The following COL9A1 variants were observed in gnomAD, a reference collection of about 807,000 sequenced individuals.
COL9A1 encodes the protein collagen alpha-1(IX) chain.
In COL9A1, 104 loss-of-function variants were observed where a neutral mutation model predicts 142.6. The ratio of observed to expected loss-of-function variants is 0.73; its 90% CI spans 0.62 to 0.86. The LOEUF is 0.86. COL9A1 is among the 40% of genes least tolerant of loss of function. COL9A1 has a pLI of 0.00. For synonymous variants in COL9A1, 466 were observed against 396.0 expected (o/e 1.18, Z -2.10); for missense variants, 1,210 against 1,176.6 (o/e 1.03, Z -0.42).
chr6:70,253,468 C>T (rs1771079949), intron 25 of COL9A1, 39 bp from the exon 26 acceptor site: 2 of 1,459,038 alleles, frequency 1.4e-6, no homozygotes. Flanking sequence ...TAATCACCTC[C>T]TCTGAGAATC....
At position 70,241,406 on chromosome 6, in the gene COL9A1, T is replaced by A; in HGVS notation, c.2034+13A>T. The stretch of plus-strand genomic sequence containing the variant: ...AACATTGCATTTTATACCAATTAAA[T>A]AATAAGACTGACCTGTTCACCCTTT... On this transcript the variant is annotated intron_variant, in intron 31 of 37. Transcript: ENST00000357250. 6.2e-7 allele frequency: 1 copy of A among 1,605,218 alleles called. No individual in the cohort carries two copies. Among genetic ancestry groups the A allele is most frequent in the Non-Finnish European group, 8.5e-7 (1 of 1,171,876 alleles).
intron 37 of COL9A1, among the ~76,000 whole-genome samples, chr6:70,223,882 C>T (rs1769054877): frequency 6.6e-6 from 1 of 152,002 alleles, no homozygotes; most frequent in South Asian, 2.1e-4. Context: ...ACAAGGAAAT[C>T]AAGAAAGAAG....
chr6:70,219,708 C>T (rs35022420), intron 37 of COL9A1, among the ~76,000 whole-genome samples: 24,165 of 152,184 alleles, frequency 0.16, 2,361 homozygotes, highest in African/African-American at 0.26. Context: ...TAACAGCTGT[C>T]ATCGGGGAAT....
intron 4 of COL9A1, among the ~76,000 whole-genome samples, chr6:70,298,928 A>C (rs1773949920): frequency 6.6e-6 from 1 of 152,122 alleles, no homozygotes; most frequent in South Asian, 2.1e-4. Context: ...CTTTGCAACC[A>C]TTCTGCCTGG....
intron 6 of COL9A1, chr6:70,283,344 G>C: frequency 9.8e-7 from 1 of 1,017,324 alleles, no homozygotes; most frequent in Non-Finnish European, 1.4e-6. Context: ...GACTGAGCAC[G>C]CAGCTCTGCC....
At chr6:70,254,402 A>T (rs1368281736) in intron 25 of COL9A1, 74 bp downstream of exon 25, 1 of 1,349,524 alleles carries the variant, frequency 7.4e-7, no homozygotes, top group Admixed American at 1.7e-5. Flanking sequence ...ATTAGGTAGC[A>T]TGTCTCTCCC....
In COL9A1 at chr6:70,252,336, C is replaced by T. The variant is rs2274584; in HGVS notation, c.1765-21G>A. On this transcript the variant is annotated intron_variant, in intron 26 of 37. Transcript: ENST00000357250. ...CTACCCTAAGGGTAAAATGCAACAT[C>T]CAAAATAACTCATGCTGAAGTAAGC... 308,658 of 1,609,078 alleles carry T rather than the reference C, an allele frequency of 0.19. 30,551 individuals are homozygous for T. Among genetic ancestry groups the T allele is most frequent in the South Asian group, 0.22 (19,664 of 90,960 alleles).
rs1202161903 is a variant in COL9A1 at position 70,294,502 on chromosome 6, C to T, written c.361G>A (p.Gly121Arg). ...YSFLTTFRMTGSTLKKNWNIW... is the reference protein window; with the variant it reads ...YSFLTTFRMTRSTLKKNWNIW... ...TTCCAGTTCTTTTTGAGAGTGCTTCCAGTCATTCGAAACGTCGTCAAGAAG... is the reference window on the plus strand; with the variant it reads ...TTCCAGTTCTTTTTGAGAGTGCTTCTAGTCATTCGAAACGTCGTCAAGAAG... Residue 121 changes from glycine (G) to arginine (R), a missense_variant, in exon 5 of 38, where the codon GGA becomes AGA. Gly to Arg is a moderately radical substitution (Grantham distance 125, BLOSUM62 -2). Transcript: ENST00000357250. The T allele has an allele frequency of 6.2e-6, 10 of 1,613,954 alleles. No individual in the cohort carries two copies. The Admixed American group carries it at 1.7e-4, about 27-fold the overall frequency.
At chr6:70,269,687 G>A in intron 15 of COL9A1, 22 bp from the exon 16 acceptor site, 1 of 1,502,598 alleles carries the variant, frequency 6.7e-7, no homozygotes, top group African/African-American at 1.4e-5. Context: ...AAAATATTAA[G>A]GTTCAGAATA....
At position 70,255,357 on chromosome 6, in the gene COL9A1, C is replaced by T. The variant is rs1562306179; in HGVS notation, c.1537G>A (p.Ala513Thr). Residue 513 changes from alanine (A) to threonine (T), a missense_variant, in exon 22 of 38, where the codon GCA becomes ACA. Coordinates refer to ENST00000357250, the MANE Select transcript of COL9A1 (RefSeq NM_001851.6). ...DQGQRGPPGEAGPKGDRGAEG... is the reference protein window; with the variant it reads ...DQGQRGPPGETGPKGDRGAEG... ...CTCACTCTATCTCCTTTGGGACCTG[C>T]TTCTCCTGGAGGTCCTCGCTGTCCT... 2.5e-6 allele frequency: 4 copies of T among 1,614,190 alleles called. No individual in the cohort carries two copies. The highest frequency in any genetic ancestry group is 1.1e-5 in the South Asian group (1 of 91,084).
intron 4 of COL9A1, among the ~76,000 whole-genome samples, chr6:70,297,032 A>C (rs1276006967): frequency 6.6e-6 from 1 of 152,064 alleles, no homozygotes; most frequent in East Asian, 1.9e-4. Context: ...AAGTCACAGT[A>C]ATGTGTTTAG....
chr6:70,268,944 T>C, intron 16 of COL9A1, 84 bp from the exon 17 acceptor site: 1 of 1,153,756 alleles, frequency 8.7e-7, no homozygotes, highest in South Asian at 1.3e-5. Context: ...AGTATCTTTT[T>C]TAAGGGATTC....
chr6:70,297,329 T>C (rs1285996388), intron 4 of COL9A1, among the ~76,000 whole-genome samples: 3 of 152,146 alleles, frequency 2.0e-5, no homozygotes, highest in African/African-American at 7.2e-5. Flanking sequence ...ATGAAGATAA[T>C]ATATGTGTGT....
At chr6:70,266,408 G>C (rs1027302024) in intron 18 of COL9A1, among the ~76,000 whole-genome samples, 1 of 152,130 alleles carries the variant, frequency 6.6e-6, no homozygotes, top group African/African-American at 2.4e-5. Flanking sequence ...TCTGAATAAT[G>C]TTGGACTATC....
At position 70,256,835 on chromosome 6, in the gene COL9A1, A is replaced by G; in HGVS notation, c.1450-14T>C. On this transcript the variant is annotated splice_polypyrimidine_tract_variant and intron_variant, in intron 20 of 37. Coordinates refer to ENST00000357250, the MANE Select transcript of COL9A1 (RefSeq NM_001851.6). ...GCCCCGAGCACCCTGCAAAAAAACA[A>G]GACAATGGAAAAAAACTGAGATCAG... 6.2e-7 allele frequency: 1 copy of G among 1,613,650 alleles called. No individual in the cohort carries two copies. Among genetic ancestry groups the G allele is most frequent in the Non-Finnish European group, 8.5e-7 (1 of 1,179,762 alleles).
At chr6:70,254,710 A>G in intron 24 of COL9A1, 181 bp from the exon 25 acceptor site, 4 of 687,136 alleles carry the variant, frequency 5.8e-6, no homozygotes, top group Non-Finnish European at 1.0e-5. Context: ...GACATAATTC[A>G]ACCAAAATGC....
intron 28 of COL9A1, among the ~76,000 whole-genome samples, chr6:70,251,545 T>G (rs1770944469): frequency 6.6e-6 from 1 of 152,172 alleles, no homozygotes; most frequent in Admixed American, 6.5e-5. Flanking sequence ...ACACCATATC[T>G]CTTAAAAAAT....
At chr6:70,221,288 A>ATAGGGTAT (rs1471823594) in intron 37 of COL9A1, among the ~76,000 whole-genome samples, 2 of 152,208 alleles carry the variant, frequency 1.3e-5, no homozygotes, top group African/African-American at 4.8e-5. Context: ...TTCACATTAA[A>ATAGGGTAT]TAGGGTATTT....
chr6:70,286,716 C>A (rs1291407132), intron 5 of COL9A1, among the ~76,000 whole-genome samples: 2 of 152,200 alleles, frequency 1.3e-5, no homozygotes, highest in Non-Finnish European at 2.9e-5. Flanking sequence ...GAGCAGGAGG[C>A]TCTGAGCTGC....
Sources: gnomAD v4.1 joint callset for allele counts (sites outside exome capture counted in the v4.1 genomes callset) on GRCh38, gnomAD v4.1.1 for gene constraint, MANE v1.5 for transcripts, NCBI Gene and HGNC (gene_info 2026-07-23, HGNC 2026-07-21) for gene names.